RBKS: variants seen among roughly 807,000 people sequenced by gnomAD.
The protein encoded by RBKS is ribokinase.
In RBKS, 33 loss-of-function variants were observed where a neutral mutation model predicts 33.9. The observed-to-expected ratio is 0.97, with a 90% CI of 0.74 to 1.30. The LOEUF (loss-of-function observed/expected upper bound fraction) is 1.30. RBKS is among the 50% of genes most tolerant of loss of function. The pLI, the probability that RBKS is intolerant of heterozygous loss-of-function variation, is 0.00. For synonymous variants in RBKS, 125 were observed against 143.0 expected (o/e 0.87, Z 0.90); for missense variants, 361 against 392.6 (o/e 0.92, Z 0.68).
rs1200375505 is a variant in RBKS, at chr2:27,795,229, C to T, written c.796-13441G>A. ...CGTCTCTCAGTTGCCCCAGTCTCCA[C>T]CTTCTCACCAGATGTGAGATGCAGG... On this transcript the variant is annotated intron_variant, in intron 7 of 7. Transcript: ENST00000302188. The surrounding 1 kb of genome is among the most constrained non-coding windows in gnomAD (Gnocchi z 4.1). 6.6e-6 allele frequency among the ~76,000 whole-genome samples: 1 copy of T among 152,144 alleles called. No individual in the cohort carries two copies. Among genetic ancestry groups the T allele is most frequent in the Non-Finnish European group, 1.5e-5 (1 of 68,034 alleles).
At chr2:27,874,087 G>A (rs1337452559) in intron 1 of RBKS, among the ~76,000 whole-genome samples, 1 of 152,192 alleles carries the variant, frequency 6.6e-6, no homozygotes, top group East Asian at 1.9e-4. Context: ...TCAATCAGTT[G>A]TCATAAGAGG....
At chr2:27,820,728 A>G (rs2148198993) in intron 7 of RBKS, among the ~76,000 whole-genome samples, 1 of 152,116 alleles carries the variant, frequency 6.6e-6, no homozygotes, top group East Asian at 1.9e-4. Context: ...TACTATTTTC[A>G]AAGGGAAAGT....
intron 1 of RBKS, among the ~76,000 whole-genome samples, chr2:27,859,484 G>T (rs1205183165): frequency 2.6e-5 from 4 of 152,162 alleles, no homozygotes; most frequent in Non-Finnish European, 5.9e-5. Context: ...TCCAGGGTAA[G>T]ATTTTTATAT....
intron 7 of RBKS, among the ~76,000 whole-genome samples, chr2:27,804,661 CAGGT>C (rs1677861879): frequency 6.6e-6 from 1 of 152,160 alleles, no homozygotes; most frequent in Non-Finnish European, 1.5e-5. Flanking sequence ...ACTGAGGCAA[CAGGT>C]TTAGCTTCCT....
At chr2:27,876,641 T>C (rs1472940952) in intron 1 of RBKS, among the ~76,000 whole-genome samples, 2 of 152,046 alleles carry the variant, frequency 1.3e-5, no homozygotes, top group African/African-American at 4.8e-5. Flanking sequence ...AGTAGAATAG[T>C]AGTTGCCAGG....
rs1166620362 is a variant in RBKS, at chr2:27,847,081, C to T, written c.310G>A (p.Ala104Thr). ...ATTATAGAAGCAGTTCCTGTAGCAG[C>T]ATCTTTAGTCTGATATGTAAATTCT... is the stretch of plus-strand genomic sequence containing the variant. ...STEFTYQTKD[A>T]ATGTASIIVN... The change falls in exon 4 of 8, where the codon GCT becomes ACT. Residue 104 changes from alanine (A) to threonine (T), a missense_variant. Ala to Thr is a moderately conservative substitution (Grantham distance 58). Coordinates refer to ENST00000302188, the MANE Select transcript of RBKS (RefSeq NM_022128.3). 6.2e-7 allele frequency: 1 copy of T among 1,604,802 alleles called. No homozygotes were observed. The highest frequency in any genetic ancestry group is 8.5e-7 in the Non-Finnish European group (1 of 1,172,138).
chr2:27,861,671 G>GGGA, intron 1 of RBKS: 4 of 425,368 alleles, frequency 9.4e-6, no homozygotes, highest in East Asian at 8.8e-5. Flanking sequence ...TTTGGGGGGG[G>GGGA]GGTGGAGTCT....
intron 7 of RBKS, among the ~76,000 whole-genome samples, chr2:27,818,707 A>G (rs1016248647): frequency 6.6e-6 from 1 of 152,184 alleles, no homozygotes; most frequent in Non-Finnish European, 1.5e-5. Context: ...TTATTAGCCT[A>G]AAGAATCCTC....
In RBKS at chr2:27,864,864, C is replaced by T. The variant is rs1311911934; in HGVS notation, c.90-6293G>A. Among the ~76,000 whole-genome samples, 3 of 152,312 alleles carry T rather than the reference C, an allele frequency of 2.0e-5. No individual in the cohort carries two copies. The East Asian group carries it at 5.8e-4, about 29-fold the overall frequency. On this transcript the variant is annotated intron_variant, in intron 1 of 7. Coordinates refer to ENST00000302188, the MANE Select transcript of RBKS (RefSeq NM_022128.3). ...GTGGGGGAAGAAGCAGCATGCATCA[C>T]CTGCACATGACCTACTGACCTTTGC...
At position 27,832,735 on chromosome 2, in the gene RBKS, TC is replaced by T; in HGVS notation, c.556del (p.Asp186IlefsTer21). The T allele has an allele frequency of 6.2e-7, 1 of 1,613,036 alleles. No homozygotes were observed. The highest frequency in any genetic ancestry group is 8.5e-7 in the Non-Finnish European group (1 of 1,179,414). On this transcript the variant is annotated frameshift_variant, in exon 6 of 8. Coordinates refer to ENST00000302188, the MANE Select transcript of RBKS (RefSeq NM_022128.3). LOFTEE classifies it high-confidence loss of function. ...FNPAPAIADL[D>X]PQFYTLSDVF... The stretch of plus-strand genomic sequence containing the variant: ...ATCTGAGAGGGTGTAGAACTGGGGA[TC>T]CAGGTCAGCAATGGCAGGGGCTGGA...
At chr2:27,889,830 G>T (rs1664675075) in intron 1 of RBKS, 2 of 160,264 alleles carry the variant, frequency 1.2e-5, no homozygotes, top group Non-Finnish European at 2.7e-5. Context: ...ATAATGTTAC[G>T]CTTGACAAAA....
At position 27,781,722 on chromosome 2, in the gene RBKS, C is replaced by A; in HGVS notation, c.862G>T (p.Glu288Ter). Residue 288 changes from glutamate (E) to a stop codon, truncating the protein, a stop_gained, in exon 8 of 8, where the codon GAA becomes TAA. Transcript: ENST00000302188. LOFTEE classifies it high-confidence loss of function. ...YLAYYPNLSL[E>*]DMLNRSNFIA... The stretch of plus-strand genomic sequence containing the variant: ...AAATTGGATCTGTTGAGCATGTCTT[C>A]CAAGGACAGATTTGGATAGTAAGCC... 1 of 1,614,090 alleles carries A rather than the reference C, an allele frequency of 6.2e-7. No homozygotes were observed. Among genetic ancestry groups the A allele is most frequent in the Non-Finnish European group, 8.5e-7 (1 of 1,180,002 alleles).
At chr2:27,851,664 G>C in intron 2 of RBKS, among the ~76,000 whole-genome samples, 1 of 151,836 alleles carries the variant, frequency 6.6e-6, no homozygotes, top group East Asian at 1.9e-4. Context: ...TCAGCCTCCC[G>C]AGTAGCTGGG....
At chr2:27,788,645 T>A (rs1183871876) in intron 7 of RBKS, among the ~76,000 whole-genome samples, 1 of 152,196 alleles carries the variant, frequency 6.6e-6, no homozygotes, top group African/African-American at 2.4e-5. Flanking sequence ...AGGTGAAGCT[T>A]GCAGTGAGCC....
At chr2:27,826,521 G>A (rs1002971508) in intron 7 of RBKS, among the ~76,000 whole-genome samples, 1 of 150,958 alleles carries the variant, frequency 6.6e-6, no homozygotes, top group African/African-American at 2.4e-5. Context: ...TGATTTTCCT[G>A]CCTCAGCCCC....
At chr2:27,864,397 A>T (rs1420435770) in intron 1 of RBKS, among the ~76,000 whole-genome samples, 2 of 152,296 alleles carry the variant, frequency 1.3e-5, no homozygotes, top group East Asian at 3.9e-4. Flanking sequence ...GAGTGGACAA[A>T]CAACACTCTA....
chr2:27,781,826 G>A (rs1259176822), intron 7 of RBKS, 38 bp from the exon 8 acceptor site: 3 of 1,544,940 alleles, frequency 1.9e-6, no homozygotes, highest in Non-Finnish European at 1.8e-6. Context: ...TAAGCATGTA[G>A]TCAATCTGTT....
intron 7 of RBKS, among the ~76,000 whole-genome samples, chr2:27,820,423 A>T (rs1199603307): frequency 6.6e-6 from 1 of 152,152 alleles, no homozygotes; most frequent in Non-Finnish European, 1.5e-5. Context: ...TCTCCTATTG[A>T]TGATTAGGAG....
chr2:27,787,952 T>A (rs1292191609), intron 7 of RBKS, among the ~76,000 whole-genome samples: 1 of 152,156 alleles, frequency 6.6e-6, no homozygotes, highest in African/African-American at 2.4e-5. Flanking sequence ...TTTAACATTT[T>A]AAAAAATCAG....
Sources: gnomAD v4.1 joint callset for allele counts (sites outside exome capture counted in the v4.1 genomes callset) on GRCh38, gnomAD v4.1.1 for gene constraint, Gnocchi (gnomAD v3.1) non-coding constraint, MANE v1.5 for transcripts, NCBI Gene and HGNC (gene_info 2026-07-23, HGNC 2026-07-21) for gene names.